The following SLIT3 variants were observed in gnomAD, a reference collection of about 807,000 sequenced individuals.
The protein encoded by SLIT3 is slit homolog 3 protein.
SLIT3 carries 68 observed loss-of-function variants against 184.0 expected under a neutral mutation model. The observed-to-expected ratio is 0.37, with a 90% CI of 0.30 to 0.45. SLIT3 has a LOEUF of 0.45. SLIT3 is among the 20% of genes least tolerant of loss of function. The probability of loss-of-function intolerance (pLI) is 1.00; values close to 1 mark genes in which losing one functional copy is unlikely to be tolerated. For missense variants in SLIT3, 1,707 were observed against 2,026.0 expected (o/e 0.84, Z 3.02); for synonymous variants, 831 against 828.6 (o/e 1.00, Z -0.05).
At chr5:169,229,682 C>T (rs1764931735) in intron 3 of SLIT3, among the ~76,000 whole-genome samples, 1 of 139,570 alleles carries the variant, frequency 7.2e-6, no homozygotes, top group Non-Finnish European at 1.7e-5. Context: ...TTATTCATCA[C>T]TCTTGGGCCG....
intron 4 of SLIT3, among the ~76,000 whole-genome samples, chr5:169,053,152 A>G (rs1757872637): frequency 6.6e-6 from 1 of 152,222 alleles, no homozygotes; most frequent in Non-Finnish European, 1.5e-5. Context: ...TGGGAGTTGG[A>G]TTCCCTTTTC....
intron 11 of SLIT3, among the ~76,000 whole-genome samples, chr5:168,788,196 C>T (rs542517234): frequency 3.3e-5 from 5 of 152,250 alleles, no homozygotes; most frequent in Admixed American, 6.5e-5. Context: ...TGGTGGCAGA[C>T]GGCTCCTCTC....
At chr5:168,983,120 G>A (rs545929402) in intron 4 of SLIT3, among the ~76,000 whole-genome samples, 1 of 152,314 alleles carries the variant, frequency 6.6e-6, no homozygotes, top group South Asian at 2.1e-4. Context: ...TGATGCTCCT[G>A]TCTCAAGCCA....
intron 4 of SLIT3, among the ~76,000 whole-genome samples, chr5:168,996,745 A>G (rs558407118): frequency 2.6e-5 from 4 of 152,220 alleles, no homozygotes; most frequent in South Asian, 2.1e-4. Context: ...CATCCATCCA[A>G]TCCCCATGTG....
intron 3 of SLIT3, among the ~76,000 whole-genome samples, chr5:169,200,306 G>A (rs567165488): frequency 1.3e-5 from 2 of 152,318 alleles, no homozygotes; most frequent in African/African-American, 4.8e-5. Context: ...ACCCCTACAG[G>A]TCACCAGGAC....
intron 4 of SLIT3, among the ~76,000 whole-genome samples, chr5:169,134,615 G>A (rs1761429400): frequency 6.6e-6 from 1 of 152,176 alleles, no homozygotes; most frequent in Non-Finnish European, 1.5e-5. Context: ...CTGGGGGCTG[G>A]GGGAGGGATA....
At chr5:168,735,774 T>G (rs1361269742) in intron 20 of SLIT3, among the ~76,000 whole-genome samples, 1 of 152,088 alleles carries the variant, frequency 6.6e-6, no homozygotes, top group African/African-American at 2.4e-5. Flanking sequence ...TCTCTTCTTC[T>G]TCCTCCAGGG....
chr5:169,134,823 C>T (rs930063418), intron 4 of SLIT3, among the ~76,000 whole-genome samples: 1 of 152,202 alleles, frequency 6.6e-6, no homozygotes, highest in African/African-American at 2.4e-5. Flanking sequence ...CTAGGCCCCT[C>T]CGTGGCATTT....
At chr5:169,128,161 A>T (rs916224379) in intron 4 of SLIT3, among the ~76,000 whole-genome samples, 3 of 150,932 alleles carry the variant, frequency 2.0e-5, no homozygotes, top group African/African-American at 7.3e-5. Flanking sequence ...AATGTTCTTT[A>T]AAAAGCATAA....
chr5:168,779,802 T>C (rs1263436742), intron 12 of SLIT3, among the ~76,000 whole-genome samples: 2 of 152,240 alleles, frequency 1.3e-5, no homozygotes, highest in African/African-American at 4.8e-5. Flanking sequence ...TTCTTATCAC[T>C]AGTAGCAGCT....
At chr5:169,240,854 C>T (rs927080830) in intron 3 of SLIT3, among the ~76,000 whole-genome samples, 1 of 149,272 alleles carries the variant, frequency 6.7e-6, no homozygotes, top group Non-Finnish European at 1.5e-5. Context: ...CTCCTTTCCC[C>T]TGAGACTATC....
intron 4 of SLIT3, among the ~76,000 whole-genome samples, chr5:169,031,651 G>A (rs1380163998): frequency 1.3e-5 from 2 of 152,160 alleles, no homozygotes; most frequent in Non-Finnish European, 2.9e-5. Context: ...CAGCTGGCTG[G>A]GGCCCAGTGA....
intron 4 of SLIT3, among the ~76,000 whole-genome samples, chr5:169,133,197 C>G (rs1053505155): frequency 2.3e-4 from 35 of 152,156 alleles, no homozygotes; most frequent in African/African-American, 8.4e-4. Context: ...CCTCTTTCTC[C>G]ATTCCCTTTC....
chr5:168,959,163 A>G (rs1198725345), intron 4 of SLIT3, among the ~76,000 whole-genome samples: 1 of 152,266 alleles, frequency 6.6e-6, no homozygotes, highest in Non-Finnish European at 1.5e-5. Flanking sequence ...ATGGCGAATT[A>G]GAAATACCAC....
At chr5:169,078,820 A>G (rs1191519536) in intron 4 of SLIT3, among the ~76,000 whole-genome samples, 2 of 152,250 alleles carry the variant, frequency 1.3e-5, no homozygotes, top group Non-Finnish European at 2.9e-5. Flanking sequence ...CAAGTGAAAT[A>G]AGGAAAACAA....
At chr5:169,251,509 G>T (rs1394589454) in intron 1 of SLIT3, 50 bp from the exon 2 acceptor site, 2 of 1,265,974 alleles carry the variant, frequency 1.6e-6, no homozygotes, top group Middle Eastern at 1.9e-4. Context: ...TACAATTACG[G>T]TCTATTTAAT....
intron 26 of SLIT3, 65 bp from the exon 27 acceptor site, chr5:168,700,744 G>T: frequency 1.7e-6 from 2 of 1,178,488 alleles, no homozygotes; most frequent in Non-Finnish European, 2.5e-6. Flanking sequence ...TGGCCCAGGG[G>T]ACTCCAGGGG....
chr5:168,726,537 AG>A (rs146733436), intron 20 of SLIT3, among the ~76,000 whole-genome samples: 6 of 116 alleles, frequency 0.052, 3 homozygotes, highest in African/African-American at 0.13. Context: ...GGAGGGAGGG[AG>A]GGGAGGGAGG....
intron 5 of SLIT3, among the ~76,000 whole-genome samples, chr5:168,879,956 T>C (rs1303930053): frequency 6.6e-6 from 1 of 152,252 alleles, no homozygotes; most frequent in African/African-American, 2.4e-5. Flanking sequence ...ATAGTGTGAA[T>C]GAATGATTAT....
Sources: gnomAD v4.1 joint callset for allele counts (sites outside exome capture counted in the v4.1 genomes callset) on GRCh38, gnomAD v4.1.1 for gene constraint, MANE v1.5 for transcripts, NCBI Gene and HGNC (gene_info 2026-07-23, HGNC 2026-07-21) for gene names.